Variants in C10orf67 observed in about 807,000 individuals in gnomAD.
C10orf67 encodes the protein chromosome 10 open reading frame 67.
In C10orf67, 60 loss-of-function variants were observed where a neutral mutation model predicts 35.6. The ratio of observed to expected loss-of-function variants is 1.68; its 90% CI spans 1.37 to 2.09. The LOEUF is 2.09. C10orf67 is among the 30% of genes most tolerant of loss of function. C10orf67 has a pLI of 0.00. For missense variants in C10orf67, 474 were observed against 330.2 expected (o/e 1.44, Z -3.38); for synonymous variants, 167 against 115.8 (o/e 1.44, Z -2.84).
intron 2 of C10orf67, among the ~76,000 whole-genome samples, chr10:23,326,994 AAGAC>A (rs529262472): frequency 3.7e-4 from 57 of 152,276 alleles, no homozygotes; most frequent in African/African-American, 1.3e-3. Context: ...AATAATAAAA[AAGAC>A]AGAAGGACAC....
chr10:23,211,879 G>T (rs1841319010), intron 15 of C10orf67, among the ~76,000 whole-genome samples: 1 of 152,068 alleles, frequency 6.6e-6, no homozygotes, highest in African/African-American at 2.4e-5. Flanking sequence ...AAAGCAAAAA[G>T]ACATACTGGG....
intron 1 of C10orf67, among the ~76,000 whole-genome samples, chr10:23,340,989 C>T (rs1372139153): frequency 1.3e-5 from 2 of 152,192 alleles, no homozygotes; most frequent in Non-Finnish European, 2.9e-5. Context: ...ATAAATCAGT[C>T]AATGAAGACA....
chr10:23,290,957 C>T (rs1423790581), intron 6 of C10orf67, among the ~76,000 whole-genome samples, 175 bp downstream of exon 6: 1 of 152,154 alleles, frequency 6.6e-6, no homozygotes, highest in African/African-American at 2.4e-5. Context: ...ACAAACACAT[C>T]CTCTGTCCCA....
At chr10:23,210,610 G>A (rs1715408652) in intron 15 of C10orf67, among the ~76,000 whole-genome samples, 1 of 152,018 alleles carries the variant, frequency 6.6e-6, no homozygotes, top group African/African-American at 2.4e-5. Flanking sequence ...AGTAGAGACG[G>A]GGTTTCACCA....
At chr10:23,321,170 T>C (rs1242615371) in intron 3 of C10orf67, among the ~76,000 whole-genome samples, 3 of 152,206 alleles carry the variant, frequency 2.0e-5, no homozygotes, top group Admixed American at 6.5e-5. Context: ...ACTTTTTGAA[T>C]GGAATATGCT....
intron 4 of C10orf67, among the ~76,000 whole-genome samples, chr10:23,311,001 C>G (rs1032671868): frequency 2.0e-5 from 3 of 151,940 alleles, no homozygotes; most frequent in African/African-American, 7.3e-5. Flanking sequence ...GGGTCTTGCT[C>G]TGTCACCCAG....
intron 12 of C10orf67, among the ~76,000 whole-genome samples, chr10:23,247,260 G>T (rs377018283): frequency 6.6e-6 from 1 of 151,956 alleles, no homozygotes. Flanking sequence ...ACTCCTCCAT[G>T]CTCCATTCAT....
intron 15 of C10orf67, among the ~76,000 whole-genome samples, chr10:23,215,546 C>A (rs1841409305): frequency 6.6e-6 from 1 of 152,090 alleles, no homozygotes. Flanking sequence ...CCTGCCTCTG[C>A]CTCCCAAAGT....
intron 2 of C10orf67, among the ~76,000 whole-genome samples, chr10:23,323,500 T>G (rs961210818): frequency 1.3e-5 from 2 of 151,912 alleles, no homozygotes; most frequent in African/African-American, 4.8e-5. Context: ...AAAAAAAAAT[T>G]TATTCTCTAT....
chr10:23,240,520 A>G (rs1002017537), intron 12 of C10orf67, among the ~76,000 whole-genome samples: 3 of 152,210 alleles, frequency 2.0e-5, no homozygotes, highest in African/African-American at 7.2e-5. Context: ...AAAGATAATA[A>G]GAACTACAGT....
chr10:23,227,059 A>T (rs1018584979), intron 13 of C10orf67, among the ~76,000 whole-genome samples: 3 of 152,210 alleles, frequency 2.0e-5, no homozygotes, highest in Admixed American at 2.0e-4. Flanking sequence ...CAATCAATAG[A>T]AAAAGAGGGA....
chr10:23,324,240 A>G (rs1383148820), intron 2 of C10orf67, among the ~76,000 whole-genome samples: 2 of 151,576 alleles, frequency 1.3e-5, no homozygotes, highest in African/African-American at 2.4e-5. Flanking sequence ...AGAGATTCTG[A>G]TTGCTGGGAC....
intron 15 of C10orf67, among the ~76,000 whole-genome samples, chr10:23,218,180 C>A (rs1170121487): frequency 1.3e-5 from 2 of 152,146 alleles, no homozygotes; most frequent in African/African-American, 2.4e-5. Context: ...GTCTTTGTTG[C>A]CCAGGCTGAA....
chr10:23,261,994 G>T (rs967421495), intron 10 of C10orf67, among the ~76,000 whole-genome samples: 1 of 152,218 alleles, frequency 6.6e-6, no homozygotes, highest in African/African-American at 2.4e-5. Flanking sequence ...TGAGGAGAAA[G>T]TTGGGATCTG....
At chr10:23,279,955 C>T (rs377385521) in intron 8 of C10orf67, among the ~76,000 whole-genome samples, 6 of 152,048 alleles carry the variant, frequency 3.9e-5, no homozygotes, top group African/African-American at 1.2e-4. Context: ...CTCAAGTGAT[C>T]CTCACACTTC....
chr10:23,289,941 T>A lies in C10orf67; in HGVS notation c.868A>T (p.Met290Leu), dbSNP rs901028092. 2.8e-6 allele frequency: 2 copies of A among 717,118 alleles called. No homozygotes were observed. The highest frequency in any genetic ancestry group is 5.2e-6 in the Non-Finnish European group (2 of 384,980). The allele number at this position is 717,118 out of a possible 1,614,324, so 44.4% of individuals were successfully genotyped here. ...TGATCCTTTTCTGCCATCTCTTTCA[T>A]ACTTATAAGTTCATCTTCTGTAAAC... ...NSGLEDELIS[M>L]KEMAEKDHKT... is the part of the protein sequence containing the mutation. The change falls in exon 7 of 16, where the codon ATG (methionine) becomes TTG (leucine). Residue 290 changes from methionine (M) to leucine (L), a missense_variant. By Grantham distance (15) the Met-to-Leu change is conservative. Transcript: ENST00000636213.
At chr10:23,337,625 A>G (rs1048390210) in intron 1 of C10orf67, among the ~76,000 whole-genome samples, 6 of 152,234 alleles carry the variant, frequency 3.9e-5, no homozygotes, top group Non-Finnish European at 1.5e-5. Context: ...TACCTAGAAA[A>G]TAGTAATTTA....
intron 13 of C10orf67, among the ~76,000 whole-genome samples, chr10:23,229,226 C>T (rs1261699841): frequency 3.3e-5 from 5 of 152,000 alleles, no homozygotes; most frequent in Non-Finnish European, 7.4e-5. Flanking sequence ...AAATGTGGGA[C>T]ATATACACCA....
intron 4 of C10orf67, among the ~76,000 whole-genome samples, chr10:23,312,429 C>T (rs542926655): frequency 1.9e-4 from 29 of 152,262 alleles, no homozygotes; most frequent in South Asian, 6.2e-4. Context: ...GCTTCAGTTA[C>T]GACAAATATT....
Sources: gnomAD v4.1 joint callset for allele counts (sites outside exome capture counted in the v4.1 genomes callset) on GRCh38, gnomAD v4.1.1 for gene constraint, MANE v1.5 for transcripts, NCBI Gene and HGNC (gene_info 2026-07-23, HGNC 2026-07-21) for gene names.